Variants in FARP2 observed in about 807,000 individuals in gnomAD.
FARP2 encodes the protein FERM, ARH/RhoGEF and pleckstrin domain protein 2, also known as FERM, ARHGEF and pleckstrin domain-containing protein 2.
A neutral mutation model predicts 130.5 loss-of-function variants in FARP2; 111 were observed. That is an observed-to-expected ratio of 0.85 (90% CI 0.73 to 1.00). The LOEUF (loss-of-function observed/expected upper bound fraction) is 1.00, where lower values mean the gene tolerates loss of function less well. Among genes scored for constraint, FARP2 ranks in the 50% least tolerant of loss-of-function variants. The pLI is 0.00. For synonymous variants in FARP2, 504 were observed against 516.9 expected, an observed-to-expected ratio of 0.98 and a Z score of 0.34; for missense variants, 1,385 against 1,346.3, an observed-to-expected ratio of 1.03 and a Z score of -0.45.
chr2:241,475,702 A>G lies in FARP2; in HGVS notation c.2132-155A>G, dbSNP rs538612961. Among the ~76,000 whole-genome samples, 1 of 152,324 alleles carries G rather than the reference A, an allele frequency of 6.6e-6. No individual in the cohort carries two copies. Among genetic ancestry groups the G allele is most frequent in the African/African-American group, 2.4e-5 (1 of 41,560 alleles). On this transcript the variant is annotated intron_variant, in intron 18 of 26. Coordinates refer to ENST00000264042, the MANE Select transcript of FARP2 (RefSeq NM_014808.4). The surrounding 1 kb of genome is among the most constrained non-coding windows in gnomAD (Gnocchi z 4.4). ...TCCATGAAACCCATCCCTGGTACCA[A>G]AAATGTTGGGGACCGCTGCTATAAG...
At chr2:241,410,608 T>C (rs564424776) in intron 5 of FARP2, among the ~76,000 whole-genome samples, 1 of 152,244 alleles carries the variant, frequency 6.6e-6, no homozygotes, top group South Asian at 2.1e-4. Context: ...TTTTGCACTT[T>C]TTTTAGAGAC....
At chr2:241,401,325 T>A (rs1468775974) in intron 2 of FARP2, among the ~76,000 whole-genome samples, 1 of 152,178 alleles carries the variant, frequency 6.6e-6, no homozygotes, top group African/African-American at 2.4e-5. Flanking sequence ...ATTGAGATGT[T>A]ATAGAAGTGA....
In FARP2 at chr2:241,416,686, A is replaced by G. The variant is rs539217923; in HGVS notation, c.624-1276A>G. 5.2e-4 allele frequency among the ~76,000 whole-genome samples: 79 copies of G among 152,322 alleles called. 1 individual carries two copies. The highest frequency in any genetic ancestry group is 3.4e-3 in the Middle Eastern group (1 of 294). On this transcript the variant is annotated intron_variant, in intron 7 of 26. Transcript: ENST00000264042. ...TCATGCCTGTAATCCCAACACTTTG[A>G]GAGGCCAACAAGTTTGAGTCCAGGA...
intron 9 of FARP2, among the ~76,000 whole-genome samples, chr2:241,433,536 T>G (rs1391154545): frequency 6.6e-6 from 1 of 152,164 alleles, no homozygotes; most frequent in Non-Finnish European, 1.5e-5. Context: ...TAATAACATG[T>G]AAATATGTCA....
chr2:241,359,949 G>GC (rs2061149349), intron 1 of FARP2, among the ~76,000 whole-genome samples: 1 of 152,180 alleles, frequency 6.6e-6, no homozygotes, highest in Non-Finnish European at 1.5e-5. Context: ...GGTAGCTGTT[G>GC]TAATGTGTAC....
chr2:241,486,931 G>C (rs945432973), intron 21 of FARP2, among the ~76,000 whole-genome samples: 1 of 152,180 alleles, frequency 6.6e-6, no homozygotes, highest in African/African-American at 2.4e-5. Flanking sequence ...AGTGGGTAAG[G>C]TAAGCAGCCC....
chr2:241,380,655 CATTTCAG>C (rs1245695821), intron 2 of FARP2, among the ~76,000 whole-genome samples: 1 of 150,936 alleles, frequency 6.6e-6, no homozygotes, highest in Non-Finnish European at 1.5e-5. Context: ...AATTTTGGAG[CATTTCAG>C]ATTTCAGATT....
At chr2:241,439,054 TCTCA>T (rs2063319358) in intron 12 of FARP2, among the ~76,000 whole-genome samples, 1 of 151,908 alleles carries the variant, frequency 6.6e-6, no homozygotes, top group Admixed American at 6.6e-5. Context: ...GGAGACAGGG[TCTCA>T]CTCTATCATC....
At chr2:241,454,986 C>T (rs1299946983) in intron 13 of FARP2, among the ~76,000 whole-genome samples, 3 of 152,196 alleles carry the variant, frequency 2.0e-5, no homozygotes, top group Non-Finnish European at 4.4e-5. Context: ...CTCCATCTCC[C>T]ATGTCCCACT....
At chr2:241,403,502 G>A (rs368961026) in intron 2 of FARP2, among the ~76,000 whole-genome samples, 8 of 152,124 alleles carry the variant, frequency 5.3e-5, no homozygotes, top group Admixed American at 3.3e-4. Flanking sequence ...GTGAGCCACC[G>A]CACCTGGTGT....
intron 12 of FARP2, among the ~76,000 whole-genome samples, chr2:241,438,620 G>GT (rs2063302483): frequency 6.9e-6 from 1 of 144,232 alleles, no homozygotes; most frequent in East Asian, 2.1e-4. Context: ...TAAACTCTCT[G>GT]GTTTTTTTTT....
In FARP2 at chr2:241,491,119, AAG is replaced by A. The variant is rs1370990270; in HGVS notation, c.2566_2567del (p.Ser856TrpfsTer3). The A allele has an allele frequency of 1.2e-6, 2 of 1,613,574 alleles. No homozygotes were observed. Among genetic ancestry groups the A allele is most frequent in the Admixed American group, 1.7e-5 (1 of 60,028 alleles). On this transcript the variant is annotated frameshift_variant, in exon 23 of 27. Transcript: ENST00000264042. LOFTEE classifies it high-confidence loss of function. ...LDLNSAIQAA[K>X]SGGDTAPALP... is the part of the protein sequence containing the mutation. ...CCTGAACTCCGCGATCCAAGCAGCC[AAG>A]AGTGGCGGTGACACGGCCCCTGCAC...
chr2:241,435,092 A>G lies in FARP2; in HGVS notation c.1100+62A>G, dbSNP rs2063191093. The G allele has an allele frequency of 4.2e-6, 4 of 946,454 alleles. No individual in the cohort carries two copies. In the East Asian group the frequency reaches 8.3e-5, roughly 20 times the overall value. The allele number at this position is 946,454 out of a possible 1,614,324, so 58.6% of individuals were successfully genotyped here. On this transcript the variant is annotated intron_variant, in intron 11 of 26. Coordinates refer to ENST00000264042, the MANE Select transcript of FARP2 (RefSeq NM_014808.4). ...TTAAAATTAAAATTTAAATATATAT[A>G]TGGAGAGAGAGCGAAAAGAGAGACT...
At chr2:241,402,641 A>ATTTT (rs2062198182) in intron 2 of FARP2, among the ~76,000 whole-genome samples, 1 of 150,910 alleles carries the variant, frequency 6.6e-6, no homozygotes, top group Admixed American at 6.6e-5. Flanking sequence ...TTTGTGAGTA[A>ATTTT]TGTACAATAA....
At chr2:241,361,274 A>G (rs1264593094) in intron 1 of FARP2, among the ~76,000 whole-genome samples, 1 of 152,198 alleles carries the variant, frequency 6.6e-6, no homozygotes, top group Admixed American at 6.5e-5. Flanking sequence ...TTTATTTCAT[A>G]AAAGCCCTGG....
At chr2:241,478,731 A>G (rs2064538511) in intron 19 of FARP2, 2 of 459,494 alleles carry the variant, frequency 4.4e-6, no homozygotes, top group East Asian at 5.8e-5. Flanking sequence ...CAAGAGAGCA[A>G]AACATCACAG....
Position 241,407,534 on chromosome 2 carries a change from T to C in FARP2, c.332-3T>C, listed in dbSNP as rs747654614. Reference sequence around the variant, plus strand: ...TTGTGAAGTTTAAATTTTTTTGTTATAGGGCCAAAGAATGTGGTGCTTCGC... The same window carrying C: ...TTGTGAAGTTTAAATTTTTTTGTTACAGGGCCAAAGAATGTGGTGCTTCGC... On this transcript the variant is annotated splice_region_variant and splice_polypyrimidine_tract_variant and intron_variant, in intron 4 of 26. Coordinates refer to ENST00000264042, the MANE Select transcript of FARP2 (RefSeq NM_014808.4). 4.3e-6 allele frequency: 7 copies of C among 1,612,918 alleles called. No homozygotes were observed. The highest frequency in any genetic ancestry group is 3.3e-5 in the South Asian group (3 of 91,054).
intron 8 of FARP2, among the ~76,000 whole-genome samples, chr2:241,427,584 G>A (rs1409176154): frequency 6.6e-6 from 1 of 152,134 alleles, no homozygotes; most frequent in Non-Finnish European, 1.5e-5. Flanking sequence ...ATAGATTGGG[G>A]TACTGGGGTA....
chr2:241,371,690 A>G (rs997093437), intron 1 of FARP2, among the ~76,000 whole-genome samples: 2 of 152,196 alleles, frequency 1.3e-5, no homozygotes, highest in East Asian at 1.9e-4. Context: ...GTGCAGTGCT[A>G]CATGCTTTGT....
Sources: allele counts gnomAD v4.1 joint callset (sites outside exome capture counted in the v4.1 genomes callset), GRCh38; gene constraint gnomAD v4.1.1; non-coding constraint Gnocchi (gnomAD v3.1); transcripts MANE v1.5; gene names NCBI Gene and HGNC (gene_info 2026-07-23, HGNC 2026-07-21).